Variants in VSTM4 observed in about 807,000 individuals in gnomAD.
VSTM4 encodes V-set and transmembrane domain-containing protein 4.
Under a neutral mutation model 36.4 loss-of-function variants are expected in VSTM4, and 20 were observed. That is an observed-to-expected ratio of 0.55 (90% CI 0.39 to 0.80). The LOEUF (loss-of-function observed/expected upper bound fraction) is 0.80, where lower values mean the gene tolerates loss of function less well. Ranked by LOEUF, VSTM4 falls within the 30% of genes least tolerant of loss-of-function variation. The pLI is 0.00. For missense variants in VSTM4, 392 were observed against 404.5 expected (o/e 0.97, Z 0.26); for synonymous variants, 182 against 173.9 (o/e 1.05, Z -0.37).
At chr10:49,035,559 T>G (rs1414914372) in intron 7 of VSTM4, among the ~76,000 whole-genome samples, 3 of 149,032 alleles carry the variant, frequency 2.0e-5, no homozygotes, top group Non-Finnish European at 4.4e-5. Flanking sequence ...TGAGGCCAGG[T>G]GCAGTGGCTC....
In VSTM4 at chr10:49,025,970, T is replaced by C. The variant is rs565111144; in HGVS notation, c.838-6195A>G. Among the ~76,000 whole-genome samples, 89 of 152,296 alleles carry C rather than the reference T, an allele frequency of 5.8e-4. No homozygotes were observed. The South Asian group carries it at 0.011, about 18-fold the overall frequency. ...GGATGTAAGGAGAAACAAAATGACA[T>C]GCAGAAGCAGCCCCACCTGAGGAAG... is the stretch of plus-strand genomic sequence containing the variant. On this transcript the variant is annotated intron_variant, in intron 7 of 7. Transcript: ENST00000332853.
At chr10:49,114,291 A>G (rs1013979858) in intron 1 of VSTM4, among the ~76,000 whole-genome samples, 1 of 151,586 alleles carries the variant, frequency 6.6e-6, no homozygotes, top group Non-Finnish European at 1.5e-5. Flanking sequence ...ACTGGGATCT[A>G]TGGATTAATG....
intron 2 of VSTM4, 140 bp from the exon 3 acceptor site, chr10:49,086,163 G>A (rs1844367517): frequency 9.6e-6 from 5 of 522,588 alleles, no homozygotes; most frequent in South Asian, 3.2e-5. Flanking sequence ...AGGGGTGCAA[G>A]GACTTTACCT....
chr10:49,037,993 C>G (rs762151894), intron 7 of VSTM4, among the ~76,000 whole-genome samples: 10 of 151,438 alleles, frequency 6.6e-5, no homozygotes, highest in Non-Finnish European at 1.2e-4. Context: ...AAATTGAAAC[C>G]CTGTGTGCTC....
At chr10:49,027,952 G>T (rs1843288509) in intron 7 of VSTM4, among the ~76,000 whole-genome samples, 1 of 152,192 alleles carries the variant, frequency 6.6e-6, no homozygotes. Context: ...CCCAGGAGTG[G>T]GTTTGCTAGG....
chr10:49,107,798 G>A lies in VSTM4; in HGVS notation c.253C>T (p.Gln85Ter). ...CTGCGGCTGAAATTCCCATAGTACT[G>A]CACCACCCGGAGCTTGGTCATCTTC... ...MVKMTKLRVV[Q>*]YYGNFSRSAK... The change falls in exon 2 of 8, where the codon CAG becomes TAG. Residue 85 changes from glutamine to a stop codon, truncating the protein, a stop_gained. Transcript: ENST00000332853. LOFTEE classifies it high-confidence loss of function. 6.2e-7 allele frequency: 1 copy of A among 1,614,252 alleles called. No homozygotes were observed. The highest frequency in any genetic ancestry group is 1.7e-5 in the Admixed American group (1 of 60,034).
At chr10:49,068,235 C>T (rs1463363507) in intron 4 of VSTM4, among the ~76,000 whole-genome samples, 1 of 151,986 alleles carries the variant, frequency 6.6e-6, no homozygotes, top group Non-Finnish European at 1.5e-5. Context: ...AATGGCCAGA[C>T]CACTGTGCCA....
At chr10:49,063,572 C>T (rs1332641438) in intron 5 of VSTM4, among the ~76,000 whole-genome samples, 4 of 152,114 alleles carry the variant, frequency 2.6e-5, no homozygotes, top group African/African-American at 4.8e-5. Flanking sequence ...CTTCTATGGG[C>T]TATAGTTCCA....
intron 5 of VSTM4, among the ~76,000 whole-genome samples, chr10:49,055,098 C>G (rs1843756389): frequency 6.8e-6 from 1 of 147,466 alleles, no homozygotes; most frequent in South Asian, 2.1e-4. Context: ...ACTGGGACAC[C>G]TAGGGATGTC....
chr10:49,046,833 G>A, intron 7 of VSTM4, 150 bp downstream of exon 7: 2 of 755,366 alleles, frequency 2.6e-6, no homozygotes, highest in Non-Finnish European at 4.5e-6. Context: ...TGACTCAAAA[G>A]CTGGCATCTG....
intron 4 of VSTM4, among the ~76,000 whole-genome samples, chr10:49,075,263 C>A (rs1844155725): frequency 6.6e-6 from 1 of 152,198 alleles, no homozygotes; most frequent in South Asian, 2.1e-4. Context: ...TAGGGCCTAG[C>A]AGGGCCTGCA....
intron 2 of VSTM4, among the ~76,000 whole-genome samples, chr10:49,089,015 C>G (rs2132004907): frequency 6.6e-6 from 1 of 152,340 alleles, no homozygotes; most frequent in African/African-American, 2.4e-5. Flanking sequence ...GCCCAAATCC[C>G]CTGGGTGAAA....
chr10:49,104,499 C>T (rs1003714757), intron 2 of VSTM4, among the ~76,000 whole-genome samples: 1 of 152,238 alleles, frequency 6.6e-6, no homozygotes, highest in East Asian at 1.9e-4. Context: ...CCAACCCAAA[C>T]AGCCTGCCTG....
At chr10:49,053,914 A>C (rs940728574) in intron 5 of VSTM4, among the ~76,000 whole-genome samples, 9 of 152,360 alleles carry the variant, frequency 5.9e-5, no homozygotes, top group Admixed American at 2.6e-4. Flanking sequence ...CACCAGGCAA[A>C]GCAGCCAACC....
chr10:49,082,838 T>G (rs1349842207), intron 3 of VSTM4, among the ~76,000 whole-genome samples: 1 of 152,230 alleles, frequency 6.6e-6, no homozygotes, highest in Non-Finnish European at 1.5e-5. Context: ...CAAGCTGCCA[T>G]GTAGAAAATG....
At chr10:49,078,965 G>A (rs1257805600) in intron 3 of VSTM4, among the ~76,000 whole-genome samples, 1 of 149,802 alleles carries the variant, frequency 6.7e-6, no homozygotes, top group Admixed American at 6.6e-5. Context: ...CTGAGTAGCT[G>A]GGGCTACAGG....
rs1844823988 is a variant in VSTM4, at chr10:49,108,096, A to G, written c.56-101T>C. ...CAGGAAATGCCTCCACGCACTGGGC[A>G]TCCTAGTGCTCTGCCTGGCCAGAGA... On this transcript the variant is annotated intron_variant, in intron 1 of 7. Transcript: ENST00000332853. The G allele has an allele frequency of 2.8e-6, 4 of 1,404,144 alleles. No individual in the cohort carries two copies. The East Asian group carries it at 7.5e-5, about 26-fold the overall frequency. The allele number at this position is 1,404,144 out of a possible 1,614,324, so 87.0% of individuals were successfully genotyped here.
At chr10:49,101,012 T>TA (rs1417569476) in intron 2 of VSTM4, among the ~76,000 whole-genome samples, 2 of 152,000 alleles carry the variant, frequency 1.3e-5, no homozygotes, top group African/African-American at 2.4e-5. Context: ...ATACCTTATA[T>TA]AAAAAAACAG....
rs1350561261 is a variant in VSTM4, at chr10:49,018,678, C to A, written c.*972G>T. On this transcript the variant is annotated 3_prime_UTR_variant, in exon 8 of 8. Coordinates refer to ENST00000332853, the MANE Select transcript of VSTM4 (RefSeq NM_001031746.5). ...CATGCACCCTGACCCCCATTCAAAC[C>A]CATTAGAATTCACACACAAGGTTGC... is the stretch of plus-strand genomic sequence containing the variant. 6.6e-6 allele frequency: 1 copy of A among 152,202 alleles called. No individual in the cohort carries two copies. Among genetic ancestry groups the A allele is most frequent in the African/African-American group, 2.4e-5 (1 of 41,438 alleles). The allele number at this position is 152,202 out of a possible 1,614,324, so 9.4% of individuals were successfully genotyped here. A position where few individuals can be genotyped will look rare whatever the true frequency, so the allele number is the denominator to read the frequency against.
Sources: gnomAD v4.1 joint callset for allele counts (sites outside exome capture counted in the v4.1 genomes callset) on GRCh38, gnomAD v4.1.1 for gene constraint, MANE v1.5 for transcripts, NCBI Gene and HGNC (gene_info 2026-07-23, HGNC 2026-07-21) for gene names.